SLC13A5: variants seen among roughly 807,000 people sequenced by gnomAD.
SLC13A5 encodes solute carrier family 13 member 5.
In SLC13A5, 25 loss-of-function variants were observed where a neutral mutation model predicts 56.5. The ratio of observed to expected loss-of-function variants is 0.44; its 90% CI spans 0.32 to 0.62. SLC13A5 has a LOEUF of 0.62. Among genes scored for constraint, SLC13A5 ranks in the 20% least tolerant of loss-of-function variants. The probability of loss-of-function intolerance (pLI) is 0.04; values close to 1 mark genes in which losing one functional copy is unlikely to be tolerated. For synonymous variants in SLC13A5, 307 were observed against 301.5 expected, an observed-to-expected ratio of 1.02 and a Z score of -0.19; for missense variants, 649 against 737.8, an observed-to-expected ratio of 0.88 and a Z score of 1.39.
rs1455816215 is a variant in SLC13A5, at chr17:6,701,471, G to A, written c.717-345C>T. 6.6e-6 allele frequency among the ~76,000 whole-genome samples: 1 copy of A among 152,202 alleles called. No individual in the cohort carries two copies. Among genetic ancestry groups the A allele is most frequent in the Non-Finnish European group, 1.5e-5 (1 of 68,040 alleles). On this transcript the variant is annotated intron_variant, in intron 5 of 11. Coordinates refer to ENST00000433363, the MANE Select transcript of SLC13A5 (RefSeq NM_177550.5). This position sits in a 1 kb window ranked among gnomAD's most constrained non-coding sequence, Gnocchi z 4.1. ...TCACGCCTGTAATTCCAGGACTCTG[G>A]GAGGCCGAGGCAGGTGGGGCACAAG...
intron 3 of SLC13A5, among the ~76,000 whole-genome samples, chr17:6,706,434 C>G (rs901704669): frequency 2.6e-5 from 4 of 152,238 alleles, no homozygotes; most frequent in South Asian, 2.1e-4. Flanking sequence ...ATTCGAGGAC[C>G]CTTACTTACT....
At chr17:6,707,761 G>A (rs192320804) in intron 1 of SLC13A5, among the ~76,000 whole-genome samples, 40 of 151,954 alleles carry the variant, frequency 2.6e-4, no homozygotes, top group Middle Eastern at 3.4e-3. Flanking sequence ...TGGGTATCCA[G>A]AGGTATATAG....
At chr17:6,700,539 C>T (rs529942528) in intron 6 of SLC13A5, among the ~76,000 whole-genome samples, 50 of 152,240 alleles carry the variant, frequency 3.3e-4, no homozygotes, top group Non-Finnish European at 6.6e-4. Flanking sequence ...CGAACTGGCA[C>T]GTGGGGACCA....
rs202163457 is a variant in SLC13A5, at chr17:6,703,080, C to T, written c.606G>A (p.Lys202=). 5 of 1,614,228 alleles carry T rather than the reference C, an allele frequency of 3.1e-6. No individual in the cohort carries two copies. The East Asian group carries it at 1.1e-4, about 36-fold the overall frequency. The change falls in exon 5 of 12, where the codon AAG becomes AAA. Residue 202 remains lysine, a synonymous_variant. Coordinates refer to ENST00000433363, the MANE Select transcript of SLC13A5 (RefSeq NM_177550.5). ...ACAGGGTCATGGCCTTACACAACCT[C>T]TTCCGCTCTTGGTCTTCCTGCTGCC... ...TLGQQEDQER[K]RLCKAMTLCI...
intron 5 of SLC13A5, among the ~76,000 whole-genome samples, chr17:6,702,031 C>A (rs1223102339): frequency 6.6e-6 from 1 of 152,184 alleles, no homozygotes; most frequent in Non-Finnish European, 1.5e-5. Context: ...TACTGGAGAA[C>A]TGTAAGGATA....
intron 3 of SLC13A5, 160 bp from the exon 4 acceptor site, chr17:6,704,216 C>A: frequency 1.3e-6 from 1 of 767,860 alleles, no homozygotes; most frequent in East Asian, 2.7e-5. Flanking sequence ...TTTAGAGCCT[C>A]CCCTCCCTCC....
rs1344988234 is a variant in SLC13A5 at position 6,704,071 on chromosome 17, C to G, written c.369-15G>C. 1 of 1,604,668 alleles carries G rather than the reference C, an allele frequency of 6.2e-7. No homozygotes were observed. The highest frequency in any genetic ancestry group is 1.1e-5 in the South Asian group (1 of 89,926). On this transcript the variant is annotated splice_polypyrimidine_tract_variant and intron_variant, in intron 3 of 11. Coordinates refer to ENST00000433363, the MANE Select transcript of SLC13A5 (RefSeq NM_177550.5). ...CCAGCATCAGCCTGCAGAGGAGGGG[C>G]AGGGAGGAAAGCCAGAGAATCCCCA...
intron 8 of SLC13A5, among the ~76,000 whole-genome samples, chr17:6,693,802 C>T (rs1206495795): frequency 6.6e-6 from 1 of 152,016 alleles, no homozygotes; most frequent in Non-Finnish European, 1.5e-5. Flanking sequence ...AGAGAGAAAA[C>T]AAAAAATTGT....
intron 6 of SLC13A5, among the ~76,000 whole-genome samples, chr17:6,699,254 C>T (rs1567619766): frequency 2.0e-5 from 3 of 152,064 alleles, no homozygotes; most frequent in African/African-American, 4.8e-5. Flanking sequence ...GAGACCTGTT[C>T]GACGGATGTG....
chr17:6,712,155 C>A (rs891510245), intron 1 of SLC13A5, among the ~76,000 whole-genome samples: 12 of 152,202 alleles, frequency 7.9e-5, no homozygotes, highest in African/African-American at 2.9e-4. Context: ...TGGTGGAAGT[C>A]CAGTTCTCTT....
intron 6 of SLC13A5, among the ~76,000 whole-genome samples, chr17:6,699,044 AAAATAAATAAATAAATAAAT>A (rs201152183): frequency 1.4e-5 from 2 of 138,164 alleles, no homozygotes; most frequent in Admixed American, 7.4e-5. Flanking sequence ...CACTGTCTCA[AAAATAAATAAATAAATAAAT>A]AAATAAATAA....
At position 6,692,878 on chromosome 17, in the gene SLC13A5, T is replaced by C; in HGVS notation, c.1275+166A>G. 1 of 627,586 alleles carries C rather than the reference T, an allele frequency of 1.6e-6. No individual in the cohort carries two copies. Among genetic ancestry groups the C allele is most frequent in the Non-Finnish European group, 2.9e-6 (1 of 348,628 alleles). The allele number at this position is 627,586 out of a possible 1,614,324, so 38.9% of individuals were successfully genotyped here. A position where few individuals can be genotyped will look rare whatever the true frequency, so the allele number is the denominator to read the frequency against. ...TCTGTCTTCCAGGCCCTGTGTGTGG[T>C]GTAGAGTTCCTAGATGACAAGACAG... On this transcript the variant is annotated intron_variant, in intron 9 of 11. Transcript: ENST00000433363. This position sits in a 1 kb window ranked among gnomAD's most constrained non-coding sequence, Gnocchi z 5.5.
At position 6,686,123 on chromosome 17, in the gene SLC13A5, C is replaced by T. The variant is rs568009581; in HGVS notation, c.*84G>A. The T allele has an allele frequency of 1.3e-6, 2 of 1,583,090 alleles. No individual in the cohort carries two copies. The highest frequency in any genetic ancestry group is 1.1e-5 in the South Asian group (1 of 87,934). ...TCGTTGGGTCATTTTGGGGTGTGAA[C>T]CCCAAAACTCTGTACAAGGTGTGCC... On this transcript the variant is annotated 3_prime_UTR_variant, in exon 12 of 12. Coordinates refer to ENST00000433363, the MANE Select transcript of SLC13A5 (RefSeq NM_177550.5).
intron 10 of SLC13A5, chr17:6,689,718 T>A (rs1973344884): frequency 6.6e-6 from 1 of 152,090 alleles, no homozygotes; most frequent in Non-Finnish European, 1.5e-5. Flanking sequence ...TCATCTTCAC[T>A]TGGAGGAGAA....
chr17:6,708,370 G>A (rs1329283722), intron 1 of SLC13A5, among the ~76,000 whole-genome samples: 2 of 152,292 alleles, frequency 1.3e-5, no homozygotes, highest in East Asian at 3.9e-4. Context: ...AGTTGTCACT[G>A]TTTCCTCAAC....
At position 6,713,342 on chromosome 17, in the gene SLC13A5, A is replaced by AG. The variant is rs1240042418; in HGVS notation, c.-10dup. 1 of 1,612,876 alleles carries AG rather than the reference A, an allele frequency of 6.2e-7. No individual in the cohort carries two copies. The highest frequency in any genetic ancestry group is 8.5e-7 in the Non-Finnish European group (1 of 1,179,410). ...CTCAGCGCCGAGGCCATCGCGCGGG[A>AG]GGGAGACTGGCGGGCGAGACGAGTG... On this transcript the variant is annotated 5_prime_UTR_variant, in exon 1 of 12. Coordinates refer to ENST00000433363, the MANE Select transcript of SLC13A5 (RefSeq NM_177550.5). The surrounding 1 kb of genome is among the most constrained non-coding windows in gnomAD (Gnocchi z 7.3).
At chr17:6,704,355 A>C (rs1597673690) in intron 3 of SLC13A5, 1 of 516,996 alleles carries the variant, frequency 1.9e-6, no homozygotes, top group South Asian at 1.6e-5. Context: ...TCTAAGGAGC[A>C]CCCCTGCCCC....
At position 6,693,071 on chromosome 17, in the gene SLC13A5, G is replaced by A. The variant is rs139042926; in HGVS notation, c.1248C>T (p.Gly416=). Residue 416 remains glycine (G), a synonymous_variant, in exon 9 of 12, where the codon GGC becomes GGT. Transcript: ENST00000433363. ...CGGATCCTTTAGCCAGAGCAAATCC[G>A]CCCCCTAGTAGCAGCACGATGCCCC... ...VPWGIVLLLG[G]GFALAKGSEA... is the part of the protein sequence containing the mutation. 41 of 1,613,884 alleles carry A rather than the reference G, an allele frequency of 2.5e-5. No homozygotes were observed. Among genetic ancestry groups the A allele is most frequent in the Middle Eastern group, 1.6e-4 (1 of 6,084 alleles).
At chr17:6,708,001 T>C (rs1055146426) in intron 1 of SLC13A5, among the ~76,000 whole-genome samples, 44 of 152,210 alleles carry the variant, frequency 2.9e-4, no homozygotes, top group Admixed American at 2.3e-3. Flanking sequence ...TGACAGAGTT[T>C]CGATCCTGTT....
Sources: allele counts gnomAD v4.1 joint callset (sites outside exome capture counted in the v4.1 genomes callset), GRCh38; gene constraint gnomAD v4.1.1; non-coding constraint Gnocchi (gnomAD v3.1); transcripts MANE v1.5; gene names NCBI Gene and HGNC (gene_info 2026-07-23, HGNC 2026-07-21).